PTPRR: variants seen among roughly 807,000 people sequenced by gnomAD.
PTPRR encodes the protein receptor-type tyrosine-protein phosphatase R.
A neutral mutation model predicts 77.2 loss-of-function variants in PTPRR; 38 were observed. That is an observed-to-expected ratio of 0.49 (90% CI 0.38 to 0.65). PTPRR has a LOEUF of 0.65. PTPRR is among the 30% of genes least tolerant of loss of function. PTPRR has a pLI of 0.00. For synonymous variants in PTPRR, 299 were observed against 283.1 expected (o/e 1.06, Z -0.57); for missense variants, 744 against 799.2 (o/e 0.93, Z 0.83).
chr12:70,854,862 T>C (rs1892626857), intron 2 of PTPRR, among the ~76,000 whole-genome samples: 1 of 152,246 alleles, frequency 6.6e-6, no homozygotes, highest in South Asian at 2.1e-4. Context: ...TTGTAAAATG[T>C]TGAAGACAGT....
chr12:70,688,310 G>T (rs1565648251), intron 8 of PTPRR, among the ~76,000 whole-genome samples: 2 of 152,040 alleles, frequency 1.3e-5, no homozygotes, highest in Admixed American at 1.3e-4. Flanking sequence ...ACCTTAAGAA[G>T]GGGCTAATAT....
At chr12:70,714,606 GC>G (rs1304120362) in intron 6 of PTPRR, among the ~76,000 whole-genome samples, 1 of 151,934 alleles carries the variant, frequency 6.6e-6, no homozygotes, top group Non-Finnish European at 1.5e-5. Flanking sequence ...AATTCTTTTT[GC>G]TATTACCAAC....
At chr12:70,764,349 TC>T (rs1890762522) in intron 3 of PTPRR, among the ~76,000 whole-genome samples, 1 of 152,144 alleles carries the variant, frequency 6.6e-6, no homozygotes, top group African/African-American at 2.4e-5. Context: ...TTGGGCTCTT[TC>T]ATATTTACCA....
intron 6 of PTPRR, among the ~76,000 whole-genome samples, chr12:70,734,144 G>C (rs528547499): frequency 2.0e-5 from 3 of 152,138 alleles, no homozygotes; most frequent in African/African-American, 7.2e-5. Context: ...CTTCAGAACA[G>C]GCCATTTCAC....
chr12:70,761,458 TG>T lies in PTPRR; in HGVS notation c.627+12del. On this transcript the variant is annotated intron_variant, in intron 4 of 13. Coordinates refer to ENST00000283228, the MANE Select transcript of PTPRR (RefSeq NM_002849.4). ...TCACATTTTTAAATGAATTGTTTCG[TG>T]CAACAACATACCTCAGGAGAGACTT... 1 of 1,562,320 alleles carries T rather than the reference TG, an allele frequency of 6.4e-7. No individual in the cohort carries two copies. The highest frequency in any genetic ancestry group is 1.7e-4 in the Middle Eastern group (1 of 5,804).
intron 2 of PTPRR, among the ~76,000 whole-genome samples, chr12:70,809,433 T>C (rs1891770421): frequency 6.6e-6 from 1 of 152,222 alleles, no homozygotes; most frequent in Non-Finnish European, 1.5e-5. Context: ...TGTTGGTTTT[T>C]GCTGCTGAAT....
chr12:70,844,367 A>G (rs1892448762), intron 2 of PTPRR, among the ~76,000 whole-genome samples: 1 of 152,190 alleles, frequency 6.6e-6, no homozygotes, highest in South Asian at 2.1e-4. Flanking sequence ...AAATAAGACT[A>G]AAAGGTGTAT....
At chr12:70,783,318 T>G (rs2870863) in intron 2 of PTPRR, among the ~76,000 whole-genome samples, 2 of 151,684 alleles carry the variant, frequency 1.3e-5, no homozygotes, top group African/African-American at 4.8e-5. Flanking sequence ...TGCTACTGGT[T>G]GTGCAGACAT....
At position 70,638,083 on chromosome 12, in the gene PTPRR, G is replaced by A. The variant is rs750831297; in HGVS notation, c.*1101C>T. The A allele has an allele frequency of 2.0e-5, 3 of 152,350 alleles. No individual in the cohort carries two copies. Among genetic ancestry groups the A allele is most frequent in the South Asian group, 4.2e-4 (2 of 4,808 alleles). The allele number at this position is 152,350 out of a possible 1,614,324, so 9.4% of individuals were successfully genotyped here. On this transcript the variant is annotated 3_prime_UTR_variant, in exon 14 of 14. Transcript: ENST00000283228. ...AAGAATATGCTTTACTCAGTATTTA[G>A]TATTAAGAGTTTATTGGCAGTATGA...
chr12:70,754,327 A>G, intron 4 of PTPRR, 26 bp from the exon 5 acceptor site: 5 of 1,611,286 alleles, frequency 3.1e-6, no homozygotes, highest in Non-Finnish European at 4.2e-6. Context: ...AGAAAGTCCG[A>G]CGTTAAATGA....
Position 70,892,735 on chromosome 12 carries a change from C to T in PTPRR, c.301G>A (p.Gly101Ser), listed in dbSNP as rs767738639. ...AGATTTTCCACTTCAAGATCTTGAC[C>T]ATCCATGGCCAGCAGATTGAGAGAC... ...DPSLNLLAMD[G>S]QDLEVENLPI... is the part of the protein sequence containing the mutation. The change falls in exon 2 of 14, where the codon GGT (glycine) becomes AGT (serine). Residue 101 changes from glycine to serine, a missense_variant. Physicochemically the swap from Gly to Ser is moderately conservative, Grantham distance 56. Coordinates refer to ENST00000283228, the MANE Select transcript of PTPRR (RefSeq NM_002849.4). The T allele has an allele frequency of 6.2e-7, 1 of 1,613,338 alleles. No individual in the cohort carries two copies. Among genetic ancestry groups the T allele is most frequent in the Admixed American group, 1.7e-5 (1 of 59,956 alleles).
At chr12:70,877,640 G>A (rs1409635685) in intron 2 of PTPRR, among the ~76,000 whole-genome samples, 4 of 152,130 alleles carry the variant, frequency 2.6e-5, no homozygotes, top group African/African-American at 9.7e-5. Context: ...TCACGGGTAG[G>A]AAGAATCAAT....
chr12:70,888,253 T>C (rs2137112763), intron 2 of PTPRR, among the ~76,000 whole-genome samples: 1 of 152,256 alleles, frequency 6.6e-6, no homozygotes, highest in Middle Eastern at 3.4e-3. Context: ...ACTATCAATG[T>C]TTTATGCTTA....
At position 70,911,768 on chromosome 12, in the gene PTPRR, C is replaced by A. The variant is rs932009528; in HGVS notation, c.58+8565G>T. On this transcript the variant is annotated intron_variant, in intron 1 of 13. Transcript: ENST00000283228. ...CTCAACTGAAAAAAAAAAAAAAAAA[C>A]CACTCAGAATCCAGAATGTATCTAG... Among the ~76,000 whole-genome samples the A allele has an allele frequency of 3.0e-3, 217 of 71,902 alleles. 4 individuals carry two copies. Among genetic ancestry groups the A allele is most frequent in the African/African-American group, 0.013 (170 of 12,630 alleles). The allele number at this position is 71,902 out of a possible 152,430, so 47.2% of individuals were successfully genotyped here. A position where few individuals can be genotyped will look rare whatever the true frequency, so the allele number is the denominator to read the frequency against.
At chr12:70,735,687 T>G (rs1334862574) in intron 6 of PTPRR, among the ~76,000 whole-genome samples, 1 of 152,256 alleles carries the variant, frequency 6.6e-6, no homozygotes, top group African/African-American at 2.4e-5. Context: ...GTCAAGATTG[T>G]ATCTTTGGCT....
chr12:70,906,505 T>A (rs1341599935), intron 1 of PTPRR, among the ~76,000 whole-genome samples: 1 of 152,042 alleles, frequency 6.6e-6, no homozygotes, highest in Non-Finnish European at 1.5e-5. Context: ...ATAACCAGAA[T>A]ACTAATCTCC....
At chr12:70,733,470 CAA>C (rs1193950231) in intron 6 of PTPRR, among the ~76,000 whole-genome samples, 2 of 74,078 alleles carry the variant, frequency 2.7e-5, no homozygotes, top group African/African-American at 8.7e-5. Context: ...AAAATTATGG[CAA>C]AAAAAAAAAG....
In PTPRR at chr12:70,735,474, G is replaced by A. The variant is rs188213485; in HGVS notation, c.1007+10344C>T. Among the ~76,000 whole-genome samples, 4 of 152,268 alleles carry A rather than the reference G, an allele frequency of 2.6e-5. No homozygotes were observed. In the East Asian group the frequency reaches 7.7e-4, roughly 29 times the overall value. On this transcript the variant is annotated intron_variant, in intron 6 of 13. Coordinates refer to ENST00000283228, the MANE Select transcript of PTPRR (RefSeq NM_002849.4). ...AGACTTATTCACTATCATGAGAACA[G>A]CATGGGAAAAACCTGCCCCCATGAT... is the stretch of plus-strand genomic sequence containing the variant.
rs551964011 is a variant in PTPRR, at chr12:70,678,984, T to C, written c.1497+5143A>G. ...AGCGTAAGCCACGCTGCCCAGCCTG[T>C]TCTTGTTTTTCTAGTTCCTTGAGGT... On this transcript the variant is annotated intron_variant, in intron 10 of 13. Transcript: ENST00000283228. Among the ~76,000 whole-genome samples the C allele has an allele frequency of 2.0e-5, 3 of 152,270 alleles. No individual in the cohort carries two copies. The East Asian group carries it at 5.8e-4, about 29-fold the overall frequency.
Sources: gnomAD v4.1 joint callset for allele counts (sites outside exome capture counted in the v4.1 genomes callset) on GRCh38, gnomAD v4.1.1 for gene constraint, MANE v1.5 for transcripts, NCBI Gene and HGNC (gene_info 2026-07-23, HGNC 2026-07-21) for gene names.